The following NR6A1 variants were observed in gnomAD, a reference collection of about 807,000 sequenced individuals.
NR6A1 encodes the protein nuclear receptor subfamily 6 group A member 1, also known as retinoic acid receptor-related testis-associated receptor.
NR6A1 carries 7 observed loss-of-function variants against 59.1 expected under a neutral mutation model. The ratio of observed to expected loss-of-function variants is 0.12; its 90% CI spans 0.07 to 0.22. NR6A1 has a LOEUF of 0.22. Ranked by LOEUF, NR6A1 falls within the 10% of genes least tolerant of loss-of-function variation. The pLI is 1.00. For missense variants in NR6A1, 468 were observed against 611.6 expected (o/e 0.77, Z 2.48); for synonymous variants, 243 against 236.1 (o/e 1.03, Z -0.27).
intron 2 of NR6A1, among the ~76,000 whole-genome samples, chr9:124,700,668 A>T (rs1450202079): frequency 6.6e-6 from 1 of 151,394 alleles, no homozygotes; most frequent in African/African-American, 2.4e-5. Context: ...TTATCCATTC[A>T]CCAGCTGCTG....
In NR6A1 at chr9:124,733,311, T is replaced by C. The variant is rs778692445; in HGVS notation, c.139A>G (p.Thr47Ala). 3 of 1,611,668 alleles carry C rather than the reference T, an allele frequency of 1.9e-6. No individual in the cohort carries two copies. The highest frequency in any genetic ancestry group is 2.5e-6 in the Non-Finnish European group (3 of 1,177,932). ...QDELAELDPG[T>A]ISVSDDRAEQ... Reference sequence around the variant, plus strand: ...TTGGGTAACATTGAGAACTTACTAGTGCCTGGGTCAAGCTCTGCCAATTCA... The same window carrying C: ...TTGGGTAACATTGAGAACTTACTAGCGCCTGGGTCAAGCTCTGCCAATTCA... The change falls in exon 2 of 10, where the codon ACT (threonine) becomes GCT (alanine). Residue 47 changes from threonine to alanine, a missense_variant. Physicochemically the swap from Thr to Ala is moderately conservative, Grantham distance 58. Coordinates refer to ENST00000487099, the MANE Select transcript of NR6A1 (RefSeq NM_033334.4).
intron 1 of NR6A1, among the ~76,000 whole-genome samples, chr9:124,738,805 C>A (rs1313594967): frequency 6.6e-6 from 1 of 152,028 alleles, no homozygotes; most frequent in Non-Finnish European, 1.5e-5. Context: ...GAGTTTGAGA[C>A]CAGCTTGGCC....
At chr9:124,612,360 C>A (rs1588709084) in intron 2 of NR6A1, among the ~76,000 whole-genome samples, 1 of 152,118 alleles carries the variant, frequency 6.6e-6, no homozygotes, top group African/African-American at 2.4e-5. Flanking sequence ...AAGGACAAAT[C>A]AGTGTGGAAA....
At chr9:124,534,529 C>T (rs911139148) in intron 7 of NR6A1, among the ~76,000 whole-genome samples, 2 of 152,142 alleles carry the variant, frequency 1.3e-5, no homozygotes, top group African/African-American at 2.4e-5. Context: ...AGCAGGGAGA[C>T]AACCCACTCT....
chr9:124,537,065 TC>T (rs1833289765), intron 6 of NR6A1, among the ~76,000 whole-genome samples: 3 of 146,000 alleles, frequency 2.1e-5, no homozygotes, highest in African/African-American at 8.2e-5. Context: ...CACTCCCACA[TC>T]TAAATTTTTT....
At chr9:124,559,596 C>T (rs1208954105) in intron 2 of NR6A1, among the ~76,000 whole-genome samples, 3 of 151,842 alleles carry the variant, frequency 2.0e-5, no homozygotes, top group South Asian at 2.1e-4. Context: ...GCCAACATGG[C>T]GAAACCCCAT....
Position 124,560,996 on chromosome 9 carries a change from T to C in NR6A1, c.143-6426A>G, listed in dbSNP as rs1235307422. On this transcript the variant is annotated intron_variant, in intron 2 of 9. Coordinates refer to ENST00000487099, the MANE Select transcript of NR6A1 (RefSeq NM_033334.4). ...CTCAGAGCCCATGGCAAGGTAAGCC[T>C]CAACTTGTGGATAGAAAAGAAAATG... Among the ~76,000 whole-genome samples the C allele has an allele frequency of 2.0e-5, 3 of 152,110 alleles. No individual in the cohort carries two copies. In the East Asian group the frequency reaches 5.8e-4, roughly 29 times the overall value.
At chr9:124,673,021 C>G (rs913659242) in intron 2 of NR6A1, among the ~76,000 whole-genome samples, 3 of 152,046 alleles carry the variant, frequency 2.0e-5, no homozygotes, top group Non-Finnish European at 4.4e-5. Context: ...ATGTAAGATT[C>G]AAGAGTTAAC....
chr9:124,526,454 C>T (rs975772011), intron 8 of NR6A1, among the ~76,000 whole-genome samples: 2 of 152,210 alleles, frequency 1.3e-5, no homozygotes, highest in South Asian at 2.1e-4. Context: ...TTTAAAATGA[C>T]GCATGTACTG....
Position 124,600,952 on chromosome 9 carries a change from A to G in NR6A1, c.143-46382T>C, listed in dbSNP as rs79136590. Among the ~76,000 whole-genome samples, 121 of 134,950 alleles carry G rather than the reference A, an allele frequency of 9.0e-4. 2 individuals are homozygous for G. The highest frequency in any genetic ancestry group is 5.3e-3 in the South Asian group (23 of 4,322). The allele number at this position is 134,950 out of a possible 152,430, so 88.5% of individuals were successfully genotyped here. A position where few individuals can be genotyped will look rare whatever the true frequency, so the allele number is the denominator to read the frequency against. The stretch of plus-strand genomic sequence containing the variant: ...AGAGTAATATGACTGGCTGTGGGGG[A>G]AAAAAAAAAAAAAGACTACAGAGTG... On this transcript the variant is annotated intron_variant, in intron 2 of 9. Transcript: ENST00000487099.
chr9:124,759,278 C>T (rs138973269), intron 1 of NR6A1, among the ~76,000 whole-genome samples: 22 of 152,262 alleles, frequency 1.4e-4, no homozygotes, highest in Non-Finnish European at 3.2e-4. Flanking sequence ...ACTGCATTCC[C>T]GAATACAGTC....
intron 2 of NR6A1, among the ~76,000 whole-genome samples, chr9:124,639,875 A>G (rs1399495919): frequency 6.6e-6 from 1 of 152,234 alleles, no homozygotes; most frequent in Non-Finnish European, 1.5e-5. Flanking sequence ...GAAAGGAAGC[A>G]GCAGCAGAAA....
chr9:124,671,590 C>T (rs1837796204), intron 2 of NR6A1, among the ~76,000 whole-genome samples: 6 of 152,168 alleles, frequency 3.9e-5, no homozygotes, highest in Admixed American at 2.6e-4. Flanking sequence ...CTTCTCACAA[C>T]CCTACTCCTG....
At chr9:124,725,173 C>T (rs184417579) in intron 2 of NR6A1, among the ~76,000 whole-genome samples, 4 of 152,240 alleles carry the variant, frequency 2.6e-5, no homozygotes, top group East Asian at 1.9e-4. Flanking sequence ...AAAGGTTATG[C>T]TGTTTTGAAC....
At chr9:124,534,464 G>C (rs973131904) in intron 7 of NR6A1, among the ~76,000 whole-genome samples, 3 of 152,196 alleles carry the variant, frequency 2.0e-5, no homozygotes, top group Admixed American at 6.5e-5. Flanking sequence ...GTCACCCTGT[G>C]CTCCAGGTCT....
At chr9:124,672,585 A>G (rs1361804067) in intron 2 of NR6A1, among the ~76,000 whole-genome samples, 1 of 152,076 alleles carries the variant, frequency 6.6e-6, no homozygotes, top group Non-Finnish European at 1.5e-5. Flanking sequence ...ACTGCACTCC[A>G]GCCTGGGCGA....
In NR6A1 at chr9:124,620,022, T is replaced by C. The variant is rs570793265; in HGVS notation, c.143-65452A>G. 4.6e-5 allele frequency among the ~76,000 whole-genome samples: 7 copies of C among 152,192 alleles called. No individual in the cohort carries two copies. The South Asian group carries it at 6.2e-4, about 14-fold the overall frequency. On this transcript the variant is annotated intron_variant, in intron 2 of 9. Coordinates refer to ENST00000487099, the MANE Select transcript of NR6A1 (RefSeq NM_033334.4). ...GTTGCAGTGAGCCAAGATTGCGCCA[T>C]TGCACTCCAGCCTGGGCAACAAGAG...
rs187281074 is a variant in NR6A1 at position 124,635,898 on chromosome 9, T to C, written c.143-81328A>G. ...GTTAATCAAGGAGAAAACTGCTAGA[T>C]CATATGGTAAGAGTATGTTTAATTT... On this transcript the variant is annotated intron_variant, in intron 2 of 9. Transcript: ENST00000487099. Among the ~76,000 whole-genome samples the C allele has an allele frequency of 3.3e-5, 5 of 152,380 alleles. No homozygotes were observed. The East Asian group carries it at 9.6e-4, about 29-fold the overall frequency.
chr9:124,663,080 A>G (rs1272050979), intron 2 of NR6A1, among the ~76,000 whole-genome samples: 1 of 152,192 alleles, frequency 6.6e-6, no homozygotes, highest in Non-Finnish European at 1.5e-5. Context: ...CTTTTTTCCA[A>G]GAAACATTTT....
Sources: allele counts gnomAD v4.1 joint callset (sites outside exome capture counted in the v4.1 genomes callset), GRCh38; gene constraint gnomAD v4.1.1; transcripts MANE v1.5; gene names NCBI Gene and HGNC (gene_info 2026-07-23, HGNC 2026-07-21).